Variants in NOP58 observed in about 807,000 individuals in gnomAD.
NOP58 encodes the protein NOP58 ribonucleoprotein, also known as nucleolar protein 58.
A neutral mutation model predicts 71.2 loss-of-function variants in NOP58; 44 were observed. The observed-to-expected ratio is 0.62, with a 90% CI of 0.49 to 0.79. NOP58 has a LOEUF of 0.79. Ranked by LOEUF, NOP58 falls within the 30% of genes least tolerant of loss-of-function variation. NOP58 has a pLI of 0.00. For synonymous variants in NOP58, 228 were observed against 200.3 expected, an observed-to-expected ratio of 1.14 and a Z score of -1.17; for missense variants, 538 against 620.2, an observed-to-expected ratio of 0.87 and a Z score of 1.41.
rs544636854 is a variant in NOP58, at chr2:202,284,332, C to A, written c.298-13C>A. On this transcript the variant is annotated splice_polypyrimidine_tract_variant and intron_variant, in intron 4 of 14. Transcript: ENST00000264279. ...TTTTTTTTAATTTAATATAGATGTTCATGTTCTTGTAGGAAAAGCTGAATC... is the reference window on the plus strand; with the variant it reads ...TTTTTTTTAATTTAATATAGATGTTAATGTTCTTGTAGGAAAAGCTGAATC... The A allele has an allele frequency of 4.5e-6, 7 of 1,571,712 alleles. No homozygotes were observed. Among genetic ancestry groups the A allele is most frequent in the African/African-American group, 4.1e-5 (3 of 72,836 alleles).
At chr2:202,300,880 TGGGTTTATTGAAC>T (rs1183534792) in intron 13 of NOP58, among the ~76,000 whole-genome samples, 2 of 152,196 alleles carry the variant, frequency 1.3e-5, no homozygotes, top group Admixed American at 1.3e-4. Context: ...TAGTTACACC[TGGGTTTATTGAAC>T]ACCTACTAGC....
chr2:202,277,941 T>C lies in NOP58; in HGVS notation c.123-9T>C. On this transcript the variant is annotated splice_polypyrimidine_tract_variant and intron_variant, in intron 2 of 14. Coordinates refer to ENST00000264279, the MANE Select transcript of NOP58 (RefSeq NM_015934.5). Reference sequence around the variant, plus strand: ...ATAACATGTTTATCTCTTTTTTTTTTAATTCTAGAGTAAAGCTAAAACATT... The same window carrying C: ...ATAACATGTTTATCTCTTTTTTTTTCAATTCTAGAGTAAAGCTAAAACATT... 1 of 1,410,340 alleles carries C rather than the reference T, an allele frequency of 7.1e-7. No homozygotes were observed. The highest frequency in any genetic ancestry group is 9.9e-7 in the Non-Finnish European group (1 of 1,012,732). 87.4% of individuals were successfully genotyped at this position (1,410,340 alleles called of 1,614,324 possible).
At chr2:202,297,355 T>G in intron 10 of NOP58, 24 bp from the exon 11 acceptor site, 1 of 1,606,026 alleles carries the variant, frequency 6.2e-7, no homozygotes, top group Non-Finnish European at 8.5e-7. Context: ...ACATGGAATA[T>G]AGTTCTTCAT....
intron 4 of NOP58, among the ~76,000 whole-genome samples, chr2:202,283,685 C>T (rs550713308): frequency 5.3e-5 from 8 of 151,836 alleles, no homozygotes; most frequent in Non-Finnish European, 5.9e-5. Flanking sequence ...GTGATCCACC[C>T]GCCTCGGCCT....
chr2:202,276,485 C>T (rs1379023595), intron 2 of NOP58: 1 of 516,012 alleles, frequency 1.9e-6, no homozygotes, highest in Admixed American at 1.9e-5. Flanking sequence ...TGATCTGACT[C>T]AATATTCGTC....
chr2:202,273,947 A>G (rs1688547472), intron 1 of NOP58, among the ~76,000 whole-genome samples: 1 of 152,070 alleles, frequency 6.6e-6, no homozygotes, highest in African/African-American at 2.4e-5. Flanking sequence ...ATCTCAGAAA[A>G]AAAAAAAAAA....
chr2:202,283,049 T>C (rs963779883), intron 4 of NOP58, among the ~76,000 whole-genome samples: 1 of 152,090 alleles, frequency 6.6e-6, no homozygotes, highest in African/African-American at 2.4e-5. Flanking sequence ...CTGTCTCTAC[T>C]GAAAATACAG....
intron 7 of NOP58, chr2:202,290,884 A>G (rs1688874235): frequency 2.5e-6 from 1 of 407,858 alleles, no homozygotes; most frequent in South Asian, 5.4e-5. Context: ...GTGTTGTGGC[A>G]TATTTTGTCC....
intron 3 of NOP58, 90 bp from the exon 4 acceptor site, chr2:202,282,261 C>T: frequency 2.0e-6 from 2 of 1,001,372 alleles, no homozygotes; most frequent in Non-Finnish European, 2.9e-6. Context: ...TTTGAAAGGC[C>T]TATTTTATTT....
rs530442113 is a variant in NOP58, at chr2:202,278,442, G to A, written c.175+440G>A. ...AAATAATTTAAAAAGCTCTTCTGGG[G>A]GTATAGATTTTTAGTTCAAAAAAAC... On this transcript the variant is annotated intron_variant, in intron 3 of 14. Coordinates refer to ENST00000264279, the MANE Select transcript of NOP58 (RefSeq NM_015934.5). 4.1e-5 allele frequency: 14 copies of A among 337,836 alleles called. No homozygotes were observed. In the Admixed American group the frequency reaches 4.2e-4, roughly 10 times the overall value. 20.9% of individuals were successfully genotyped at this position (337,836 alleles called of 1,614,324 possible).
At position 202,301,307 on chromosome 2, in the gene NOP58, C is replaced by G. The variant is rs537112854; in HGVS notation, c.1402+940C>G. Among the ~76,000 whole-genome samples, 165 of 152,298 alleles carry G rather than the reference C, an allele frequency of 1.1e-3. 1 individual carries two copies. The highest frequency in any genetic ancestry group is 1.8e-3 in the Non-Finnish European group (121 of 68,026). ...TCAAGCAATTTTCCTGCCTCAGCCT[C>G]TTGAGTAGCTGTGATTACAGGCACG... On this transcript the variant is annotated intron_variant, in intron 13 of 14. Transcript: ENST00000264279.
In NOP58 at chr2:202,290,417, T is replaced by A. The variant is rs777353183; in HGVS notation, c.594T>A (p.Ile198=). The A allele has an allele frequency of 2.7e-5, 43 of 1,609,198 alleles. No individual in the cohort carries two copies. The East Asian group carries it at 9.1e-4, about 34-fold the overall frequency. Reference sequence around the variant, plus strand: ...ATTTCCCTGAATTAGGAAAAATTATTTCAGATAATTTAACATACTGCAAGT... The same window carrying A: ...ATTTCCCTGAATTAGGAAAAATTATATCAGATAATTTAACATACTGCAAGT... The part of the protein sequence containing the change: ...GWHFPELGKI[I]SDNLTYCKCL... Residue 198 remains isoleucine (I), a synonymous_variant, in exon 7 of 15, where the codon ATT becomes ATA. Coordinates refer to ENST00000264279, the MANE Select transcript of NOP58 (RefSeq NM_015934.5).
intron 3 of NOP58, 26 bp from the exon 4 acceptor site, chr2:202,282,325 C>T (rs557616347): frequency 6.3e-7 from 1 of 1,583,302 alleles, no homozygotes; most frequent in Admixed American, 1.9e-5. Context: ...AGAGTTAATG[C>T]TTTTGTTTTT....
intron 2 of NOP58, chr2:202,276,363 C>A: frequency 3.4e-6 from 1 of 293,200 alleles, no homozygotes; most frequent in Non-Finnish European, 7.3e-6. Flanking sequence ...AAAGATGACA[C>A]TGTTTTAGGC....
chr2:202,302,221 G>A (rs1207084798), intron 13 of NOP58, among the ~76,000 whole-genome samples: 1 of 150,960 alleles, frequency 6.6e-6, no homozygotes, highest in African/African-American at 2.4e-5. Context: ...CTGAATAACT[G>A]GGATTACAGG....
At chr2:202,280,264 G>T (rs548465410) in intron 3 of NOP58, among the ~76,000 whole-genome samples, 1 of 152,224 alleles carries the variant, frequency 6.6e-6, no homozygotes, top group Admixed American at 6.5e-5. Flanking sequence ...ACTTTGAGGG[G>T]CTAAGATGGG....
intron 14 of NOP58, 140 bp downstream of exon 14, chr2:202,303,197 T>G (rs1016603595): frequency 1.5e-6 from 2 of 1,300,220 alleles, no homozygotes; most frequent in Non-Finnish European, 2.1e-6. Context: ...ATGGCTTTGT[T>G]GTATTTATAT....
In NOP58 at chr2:202,277,980, G is replaced by A; in HGVS notation, c.153G>A (p.Gln51=). The A allele has an allele frequency of 6.4e-7, 1 of 1,554,532 alleles. No individual in the cohort carries two copies. Residue 51 remains glutamine, a synonymous_variant, in exon 3 of 15, where the codon CAG becomes CAA. Coordinates refer to ENST00000264279, the MANE Select transcript of NOP58 (RefSeq NM_015934.5). ...AGCTAAAACATTTTGAGAAATTTCA[G>A]GATACAGCAGAAGCATTAGCAGGTA... The part of the protein sequence containing the change: ...IVKLKHFEKF[Q]DTAEALAAFT...
chr2:202,301,780 C>T (rs1689097695), intron 13 of NOP58, among the ~76,000 whole-genome samples: 1 of 152,146 alleles, frequency 6.6e-6, no homozygotes, highest in East Asian at 1.9e-4. Context: ...ATACATGTAT[C>T]ATTCATTCAC....
Sources: allele counts gnomAD v4.1 joint callset (sites outside exome capture counted in the v4.1 genomes callset), GRCh38; gene constraint gnomAD v4.1.1; transcripts MANE v1.5; gene names NCBI Gene and HGNC (gene_info 2026-07-23, HGNC 2026-07-21).